ZNF804B: variants seen among roughly 807,000 people sequenced by gnomAD.
The protein encoded by ZNF804B is zinc finger protein 804B.
ZNF804B carries 80 observed loss-of-function variants against 101.4 expected under a neutral mutation model. The observed-to-expected ratio is 0.79, with a 90% CI of 0.66 to 0.95. The LOEUF (loss-of-function observed/expected upper bound fraction) is 0.95, where lower values mean the gene tolerates loss of function less well. Among genes scored for constraint, ZNF804B ranks in the 40% least tolerant of loss-of-function variants. ZNF804B has a pLI of 0.00. For synonymous variants in ZNF804B, 622 were observed against 558.8 expected (o/e 1.11, Z -1.59); for missense variants, 1,673 against 1,561.9 (o/e 1.07, Z -1.20).
intron 1 of ZNF804B, among the ~76,000 whole-genome samples, chr7:88,886,602 A>G (rs1792131695): frequency 1.3e-5 from 2 of 151,872 alleles, no homozygotes; most frequent in African/African-American, 4.8e-5. Context: ...TTTATTGCAC[A>G]CAATGTATGG....
At chr7:89,173,937 T>C (rs901210672) in intron 1 of ZNF804B, among the ~76,000 whole-genome samples, 1 of 152,076 alleles carries the variant, frequency 6.6e-6, no homozygotes, top group Admixed American at 6.6e-5. Context: ...TATTTTTATT[T>C]ATATTTTTAA....
intron 1 of ZNF804B, among the ~76,000 whole-genome samples, chr7:89,040,534 C>T (rs1024381446): frequency 3.3e-5 from 5 of 152,038 alleles, no homozygotes; most frequent in African/African-American, 9.7e-5. Context: ...TTTGGTTAGT[C>T]GTATGTCTAT....
At chr7:89,289,632 G>A (rs1217963510) in intron 2 of ZNF804B, among the ~76,000 whole-genome samples, 2 of 152,006 alleles carry the variant, frequency 1.3e-5, no homozygotes, top group Non-Finnish European at 2.9e-5. Context: ...GCTGAACTCA[G>A]CTGGTGCCCA....
At chr7:89,076,529 C>T (rs982045829) in intron 1 of ZNF804B, among the ~76,000 whole-genome samples, 2 of 152,094 alleles carry the variant, frequency 1.3e-5, no homozygotes, top group African/African-American at 4.8e-5. Context: ...ATGTCTTCAT[C>T]AGCAGCATGA....
At chr7:89,162,761 G>A (rs1218841256) in intron 1 of ZNF804B, among the ~76,000 whole-genome samples, 3 of 149,342 alleles carry the variant, frequency 2.0e-5, no homozygotes, top group Admixed American at 6.7e-5. Flanking sequence ...CCACTAACTC[G>A]TCATCTAGCA....
intron 2 of ZNF804B, among the ~76,000 whole-genome samples, chr7:89,252,831 C>A (rs906048569): frequency 6.6e-6 from 1 of 152,084 alleles, no homozygotes; most frequent in Non-Finnish European, 1.5e-5. Context: ...GAGCTAAATA[C>A]TAGTTACACA....
chr7:89,082,840 G>C (rs1257634043), intron 1 of ZNF804B, among the ~76,000 whole-genome samples: 3 of 151,560 alleles, frequency 2.0e-5, no homozygotes, highest in Non-Finnish European at 4.4e-5. Context: ...TAATTCTTCT[G>C]GGGTGCAAAG....
chr7:88,890,065 T>G (rs1464672206), intron 1 of ZNF804B, among the ~76,000 whole-genome samples: 2 of 152,090 alleles, frequency 1.3e-5, no homozygotes, highest in Non-Finnish European at 2.9e-5. Context: ...AAAATTATAT[T>G]GACAATAAGT....
intron 2 of ZNF804B, among the ~76,000 whole-genome samples, chr7:89,323,481 A>G (rs1790850453): frequency 6.6e-6 from 1 of 152,168 alleles, no homozygotes; most frequent in Non-Finnish European, 1.5e-5. Context: ...AAATGCATAG[A>G]AGTTATTCAC....
chr7:89,314,040 T>C (rs1344855115), intron 2 of ZNF804B, among the ~76,000 whole-genome samples: 1 of 152,174 alleles, frequency 6.6e-6, no homozygotes, highest in African/African-American at 2.4e-5. Flanking sequence ...AGAAATCCAG[T>C]TTTTCCCCCT....
At chr7:89,159,058 A>G (rs559084567) in intron 1 of ZNF804B, among the ~76,000 whole-genome samples, 1 of 152,276 alleles carries the variant, frequency 6.6e-6, no homozygotes. Context: ...ATTATTCTGA[A>G]GATGAGGTCC....
At chr7:88,988,000 A>G (rs1008492595) in intron 1 of ZNF804B, among the ~76,000 whole-genome samples, 3 of 151,748 alleles carry the variant, frequency 2.0e-5, no homozygotes, top group Non-Finnish European at 2.9e-5. Context: ...TCAGCCTCTA[A>G]TAACCATTAT....
At chr7:88,796,239 A>G (rs1790482326) in intron 1 of ZNF804B, among the ~76,000 whole-genome samples, 1 of 152,098 alleles carries the variant, frequency 6.6e-6, no homozygotes, top group African/African-American at 2.4e-5. Context: ...ATTTTTAACA[A>G]TGAAACCTAA....
At chr7:88,982,099 T>C (rs1044685363) in intron 1 of ZNF804B, among the ~76,000 whole-genome samples, 2 of 152,006 alleles carry the variant, frequency 1.3e-5, no homozygotes, top group Non-Finnish European at 2.9e-5. Flanking sequence ...TTCTCTCATG[T>C]CTGCTATCTG....
At chr7:89,246,181 T>A (rs1789442977) in intron 2 of ZNF804B, among the ~76,000 whole-genome samples, 1 of 152,062 alleles carries the variant, frequency 6.6e-6, no homozygotes, top group African/African-American at 2.4e-5. Context: ...CAATAGAAAG[T>A]GTCTCAGCAG....
intron 1 of ZNF804B, among the ~76,000 whole-genome samples, chr7:89,169,282 G>A (rs548229683): frequency 1.3e-5 from 2 of 152,274 alleles, no homozygotes; most frequent in South Asian, 4.1e-4. Flanking sequence ...AGTGAAAACA[G>A]AGCTCCCATA....
chr7:89,336,789 T>G lies in ZNF804B; in HGVS notation c.3807T>G (p.His1269Gln). 2 of 1,614,046 alleles carry G rather than the reference T, an allele frequency of 1.2e-6. No individual in the cohort carries two copies. The highest frequency in any genetic ancestry group is 1.7e-4 in the Middle Eastern group (1 of 6,060). ...HPTFLAGHPL[H>Q]LVAATPFHPS... ...CTTTCTTAGCAGGTCATCCCCTGCA[T>G]TTAGTAGCTGCTACCCCCTTCCACC... is the stretch of plus-strand genomic sequence containing the variant. The change falls in exon 4 of 4, where the codon CAT becomes CAG. Residue 1269 changes from histidine (H) to glutamine (Q), a missense_variant. Transcript: ENST00000333190.
chr7:89,196,695 A>C (rs182802217), intron 1 of ZNF804B, among the ~76,000 whole-genome samples: 1 of 152,300 alleles, frequency 6.6e-6, no homozygotes, highest in East Asian at 1.9e-4. Flanking sequence ...GACAACCTAC[A>C]AAATGGGAGA....
intron 1 of ZNF804B, among the ~76,000 whole-genome samples, chr7:89,205,139 C>G (rs979202583): frequency 1.3e-5 from 2 of 152,092 alleles, no homozygotes; most frequent in Non-Finnish European, 2.9e-5. Flanking sequence ...TTCACTATCA[C>G]GAGAACAGCA....
Sources: gnomAD v4.1 joint callset for allele counts (sites outside exome capture counted in the v4.1 genomes callset) on GRCh38, gnomAD v4.1.1 for gene constraint, MANE v1.5 for transcripts, NCBI Gene and HGNC (gene_info 2026-07-23, HGNC 2026-07-21) for gene names.